PRKG2: variants seen among roughly 807,000 people sequenced by gnomAD.
PRKG2 encodes the protein cGMP-dependent protein kinase 2.
PRKG2 carries 33 observed loss-of-function variants against 97.2 expected under a neutral mutation model. That is an observed-to-expected ratio of 0.34 (90% confidence interval 0.26 to 0.45). PRKG2 has a LOEUF of 0.45. Among genes scored for constraint, PRKG2 ranks in the 20% least tolerant of loss-of-function variants. PRKG2 has a pLI of 1.00. For missense variants in PRKG2, 638 were observed against 900.0 expected, an observed-to-expected ratio of 0.71 and a Z score of 3.73; for synonymous variants, 330 against 321.8, an observed-to-expected ratio of 1.03 and a Z score of -0.27.
chr4:81,213,614 A>G (rs1220320370), intron 1 of PRKG2, among the ~76,000 whole-genome samples: 1 of 152,210 alleles, frequency 6.6e-6, no homozygotes, highest in East Asian at 1.9e-4. Flanking sequence ...CATGTGAGGG[A>G]TTTTTAAAAT....
chr4:81,119,761 A>G (rs967183023), intron 14 of PRKG2, among the ~76,000 whole-genome samples: 2 of 144,502 alleles, frequency 1.4e-5, no homozygotes, highest in African/African-American at 2.6e-5. Context: ...TGCAAGCTCC[A>G]CCTCCCGGGT....
At chr4:81,203,974 T>C (rs781300177) in intron 2 of PRKG2, among the ~76,000 whole-genome samples, 2 of 152,290 alleles carry the variant, frequency 1.3e-5, no homozygotes, top group African/African-American at 4.8e-5. Context: ...TGCTATAGTA[T>C]TGGCTTTTAT....
intron 2 of PRKG2, among the ~76,000 whole-genome samples, chr4:81,180,513 T>C (rs971407745): frequency 1.3e-5 from 2 of 152,086 alleles, no homozygotes; most frequent in Non-Finnish European, 2.9e-5. Flanking sequence ...TAGACCTTAA[T>C]AAAAAACATA....
intron 9 of PRKG2, among the ~76,000 whole-genome samples, chr4:81,146,610 AT>A (rs1041155250): frequency 1.3e-5 from 2 of 152,182 alleles, no homozygotes; most frequent in Non-Finnish European, 2.9e-5. Context: ...CAGTCACTAT[AT>A]TTCATTGCAA....
chr4:81,164,858 T>A (rs1354227093), intron 6 of PRKG2: 2 of 152,172 alleles, frequency 1.3e-5, no homozygotes, highest in African/African-American at 4.8e-5. Flanking sequence ...GCACTGTGAC[T>A]AACAGGTGAC....
intron 15 of PRKG2, 30 bp downstream of exon 15, chr4:81,110,418 G>C: frequency 6.3e-7 from 1 of 1,592,022 alleles, no homozygotes; most frequent in Non-Finnish European, 8.5e-7. Flanking sequence ...TCTCTGAAGA[G>C]GTGGCTGCAT....
At chr4:81,102,310 G>A (rs528552728) in intron 17 of PRKG2, among the ~76,000 whole-genome samples, 1 of 152,262 alleles carries the variant, frequency 6.6e-6, no homozygotes, top group East Asian at 1.9e-4. Context: ...CTAAGCTGGA[G>A]CCTGTTAACA....
In PRKG2 at chr4:81,092,380, C is replaced by T. The variant is rs915435260; in HGVS notation, c.2193+6G>A. The T allele has an allele frequency of 1.9e-6, 3 of 1,549,018 alleles. No individual in the cohort carries two copies. The highest frequency in any genetic ancestry group is 2.3e-5 in the East Asian group (1 of 44,168). On this transcript the variant is annotated splice_donor_region_variant and intron_variant, in intron 18 of 18. Transcript: ENST00000264399. The stretch of plus-strand genomic sequence containing the variant: ...AAATAAAAAAGTAATATAATAAATA[C>T]AATACCTCTCTTTGCAAAGGTGATG...
chr4:81,151,654 A>G (rs1748415178), intron 8 of PRKG2, among the ~76,000 whole-genome samples: 1 of 152,122 alleles, frequency 6.6e-6, no homozygotes, highest in Non-Finnish European at 1.5e-5. Flanking sequence ...TGGGAATATA[A>G]AGATCTGTAT....
intron 4 of PRKG2, among the ~76,000 whole-genome samples, chr4:81,170,799 T>C (rs1750401646): frequency 6.6e-6 from 1 of 152,120 alleles, no homozygotes. Context: ...TTGATATAGA[T>C]ACATTTTCAT....
intron 10 of PRKG2, 66 bp downstream of exon 10, chr4:81,144,166 G>A (rs1747568406): frequency 7.0e-7 from 1 of 1,424,840 alleles, no homozygotes; most frequent in East Asian, 2.3e-5. Context: ...CACACCCTCT[G>A]TCCCCTTCTT....
intron 2 of PRKG2, among the ~76,000 whole-genome samples, chr4:81,179,877 C>T (rs1751256989): frequency 6.6e-6 from 1 of 151,964 alleles, no homozygotes. Context: ...CGCAGTAGCT[C>T]ATGCTTGTAA....
intron 14 of PRKG2, among the ~76,000 whole-genome samples, chr4:81,132,531 C>T (rs1746279903): frequency 6.6e-6 from 1 of 152,124 alleles, no homozygotes; most frequent in Admixed American, 6.6e-5. Context: ...TTCCCCATTC[C>T]TTATACACTG....
chr4:81,203,029 C>A (rs1036327009), intron 2 of PRKG2, among the ~76,000 whole-genome samples: 5 of 151,650 alleles, frequency 3.3e-5, no homozygotes, highest in South Asian at 4.2e-4. Flanking sequence ...ATTATACTTA[C>A]GTGTACATAT....
intron 4 of PRKG2, among the ~76,000 whole-genome samples, chr4:81,170,424 T>C (rs924939808): frequency 6.6e-6 from 1 of 152,032 alleles, no homozygotes; most frequent in Non-Finnish European, 1.5e-5. Flanking sequence ...ATTGTGGTTG[T>C]ACAATTTTTT....
At chr4:81,104,288 G>T in intron 17 of PRKG2, 82 bp downstream of exon 17, 1 of 961,934 alleles carries the variant, frequency 1.0e-6, no homozygotes, top group Non-Finnish European at 1.5e-6. Flanking sequence ...GGACCTTTGT[G>T]GCCTCCTGAG....
At chr4:81,152,666 C>T (rs955408426) in intron 7 of PRKG2, among the ~76,000 whole-genome samples, 6 of 152,140 alleles carry the variant, frequency 3.9e-5, no homozygotes, top group Admixed American at 6.5e-5. Context: ...AACATGGTAA[C>T]AAGTGCTGAT....
intron 6 of PRKG2, among the ~76,000 whole-genome samples, chr4:81,165,982 A>T (rs1749954107): frequency 6.6e-6 from 1 of 152,084 alleles, no homozygotes; most frequent in African/African-American, 2.4e-5. Context: ...ACCCTTAGAA[A>T]TTAGGATGAA....
At chr4:81,146,042 C>T (rs75104500) in intron 9 of PRKG2, among the ~76,000 whole-genome samples, 4,560 of 152,174 alleles carry the variant, frequency 0.03, 102 homozygotes, top group Non-Finnish European at 0.047. Context: ...TGACCTTTGT[C>T]GACTGAAGAG....
Sources: allele counts gnomAD v4.1 joint callset (sites outside exome capture counted in the v4.1 genomes callset), GRCh38; gene constraint gnomAD v4.1.1; transcripts MANE v1.5; gene names NCBI Gene and HGNC (gene_info 2026-07-23, HGNC 2026-07-21).